UBE2QL1: variants seen among roughly 807,000 people sequenced by gnomAD.
The protein encoded by UBE2QL1 is ubiquitin conjugating enzyme E2 QL1, also known as ubiquitin-conjugating enzyme E2Q-like protein 1.
In UBE2QL1, 5 loss-of-function variants were observed where a neutral mutation model predicts 12.6. The observed-to-expected ratio is 0.40, with a 90% confidence interval of 0.21 to 0.83. The LOEUF (loss-of-function observed/expected upper bound fraction) is 0.83, where lower values mean the gene tolerates loss of function less well. Among genes scored for constraint, UBE2QL1 ranks in the 40% least tolerant of loss-of-function variants. The pLI is 0.37. For synonymous variants in UBE2QL1, 96 were observed against 94.5 expected (o/e 1.02, Z -0.10); for missense variants, 99 against 222.6 (o/e 0.44, Z 3.53).
intron 1 of UBE2QL1, among the ~76,000 whole-genome samples, chr5:6,484,272 T>TC (rs1211210909): frequency 1.3e-5 from 2 of 152,136 alleles, no homozygotes; most frequent in East Asian, 1.9e-4. Context: ...GTCTGCATAC[T>TC]CCAAGTCCTG....
intron 1 of UBE2QL1, among the ~76,000 whole-genome samples, chr5:6,473,546 G>T (rs1411356622): frequency 6.6e-6 from 1 of 152,228 alleles, no homozygotes; most frequent in Non-Finnish European, 1.5e-5. Context: ...AGAAATGTAA[G>T]GACCCACATG....
chr5:6,458,972 C>T (rs1739592210), intron 1 of UBE2QL1, among the ~76,000 whole-genome samples: 1 of 146,320 alleles, frequency 6.8e-6, no homozygotes, highest in African/African-American at 2.5e-5. Context: ...GGGTGGGAGC[C>T]TTCCTCCTCC....
In UBE2QL1 at chr5:6,493,390, G is replaced by A. The variant is rs190168639; in HGVS notation, c.*2041G>A. The A allele has an allele frequency of 7.2e-4, 109 of 152,266 alleles. No homozygotes were observed. The highest frequency in any genetic ancestry group is 2.5e-3 in the African/African-American group (104 of 41,542). The allele number at this position is 152,266 out of a possible 1,614,324, so 9.4% of individuals were successfully genotyped here. On this transcript the variant is annotated 3_prime_UTR_variant, in exon 2 of 2. Transcript: ENST00000399816. ...GAAAACTAAAAGCAGCTTTACTTTA[G>A]GGGGAAAAATATATCCAAAGGCAGG... is the stretch of plus-strand genomic sequence containing the variant.
intron 1 of UBE2QL1, among the ~76,000 whole-genome samples, chr5:6,474,094 T>A (rs1456823316): frequency 6.6e-6 from 1 of 152,250 alleles, no homozygotes; most frequent in Non-Finnish European, 1.5e-5. Flanking sequence ...AACATTTACC[T>A]TCTAAAAGAT....
intron 1 of UBE2QL1, among the ~76,000 whole-genome samples, chr5:6,468,698 T>C (rs1030053673): frequency 6.6e-6 from 1 of 152,224 alleles, no homozygotes; most frequent in Non-Finnish European, 1.5e-5. Context: ...AGCCTTCAAT[T>C]CTACTTCTTA....
In UBE2QL1 at chr5:6,463,617, T is replaced by TTATTAC. The variant is rs1343754100; in HGVS notation, c.354+14375_354+14376insCTATTA. ...TGTGCTGTTATTATTATTATTATTA[T>TTATTAC]TATTATTATTATTATTATTATTATT... On this transcript the variant is annotated intron_variant, in intron 1 of 1. Transcript: ENST00000399816. 5.5e-5 allele frequency among the ~76,000 whole-genome samples: 8 copies of TTATTAC among 146,738 alleles called. No homozygotes were observed. In the Admixed American group the frequency reaches 5.5e-4, roughly 10 times the overall value.
intron 1 of UBE2QL1, among the ~76,000 whole-genome samples, chr5:6,486,052 A>T (rs975888075): frequency 6.6e-6 from 1 of 152,186 alleles, no homozygotes; most frequent in Admixed American, 6.5e-5. Flanking sequence ...TAGCTGAAAA[A>T]ATAAGAAGCC....
intron 1 of UBE2QL1, among the ~76,000 whole-genome samples, chr5:6,470,779 A>G (rs1360048383): frequency 6.6e-6 from 1 of 152,186 alleles, no homozygotes; most frequent in East Asian, 1.9e-4. Flanking sequence ...TGTCCTGTGT[A>G]TCATGTTTGC....
intron 1 of UBE2QL1, 78 bp downstream of exon 1, chr5:6,449,325 G>A (rs1739364582): frequency 2.3e-5 from 29 of 1,264,118 alleles, no homozygotes; most frequent in Non-Finnish European, 2.8e-5. Flanking sequence ...GGGCCCCGTG[G>A]TGAGGGCCAG....
intron 1 of UBE2QL1, among the ~76,000 whole-genome samples, chr5:6,474,106 CT>C (rs1734162547): frequency 6.6e-6 from 1 of 152,148 alleles, no homozygotes; most frequent in African/African-American, 2.4e-5. Flanking sequence ...CTAAAAGATA[CT>C]TATTGGGAAG....
At chr5:6,485,096 A>G (rs1734438046) in intron 1 of UBE2QL1, among the ~76,000 whole-genome samples, 1 of 152,136 alleles carries the variant, frequency 6.6e-6, no homozygotes, top group Non-Finnish European at 1.5e-5. Flanking sequence ...AAACACACAA[A>G]TGAACACACG....
chr5:6,474,680 CAT>C (rs1220808637), intron 1 of UBE2QL1, among the ~76,000 whole-genome samples: 1 of 152,224 alleles, frequency 6.6e-6, no homozygotes, highest in Non-Finnish European at 1.5e-5. Context: ...CCTTCAGACT[CAT>C]AGTGATAACC....
chr5:6,483,589 C>A (rs1734407334), intron 1 of UBE2QL1, among the ~76,000 whole-genome samples: 2 of 152,236 alleles, frequency 1.3e-5, no homozygotes, highest in South Asian at 4.1e-4. Context: ...CTGCTCGCCT[C>A]TCCTGGACAC....
intron 1 of UBE2QL1, among the ~76,000 whole-genome samples, 153 bp downstream of exon 1, chr5:6,449,400 G>C (rs1739366033): frequency 6.6e-6 from 1 of 152,122 alleles, no homozygotes; most frequent in African/African-American, 2.4e-5. Flanking sequence ...GGGATGCTCC[G>C]AGCGCCTCCA....
At chr5:6,459,922 A>T (rs1232265161) in intron 1 of UBE2QL1, among the ~76,000 whole-genome samples, 1 of 152,124 alleles carries the variant, frequency 6.6e-6, no homozygotes, top group Non-Finnish European at 1.5e-5. Flanking sequence ...ATCCAAATAT[A>T]TATACCCGGA....
intron 1 of UBE2QL1, among the ~76,000 whole-genome samples, chr5:6,472,371 G>A (rs918497440): frequency 2.6e-5 from 4 of 152,066 alleles, no homozygotes; most frequent in Admixed American, 6.5e-5. Context: ...GGATTGTCTC[G>A]AGGTATTGCC....
Position 6,474,681 on chromosome 5 carries a change from A to T in UBE2QL1, c.355-16537A>T, listed in dbSNP as rs150470408. On this transcript the variant is annotated intron_variant, in intron 1 of 1. Coordinates refer to ENST00000399816, the MANE Select transcript of UBE2QL1 (RefSeq NM_001145161.3). The stretch of plus-strand genomic sequence containing the variant: ...GTGGCATGCGGGGGCCTTCAGACTC[A>T]TAGTGATAACCCCACAGGCTTCGTC... 4.6e-4 allele frequency among the ~76,000 whole-genome samples: 70 copies of T among 152,366 alleles called. No individual in the cohort carries two copies. In the East Asian group the frequency reaches 0.012, roughly 26 times the overall value.
At chr5:6,469,347 T>A (rs924962496) in intron 1 of UBE2QL1, among the ~76,000 whole-genome samples, 57 of 151,752 alleles carry the variant, frequency 3.8e-4, no homozygotes, top group Admixed American at 3.2e-3. Flanking sequence ...ACCAAAATAT[T>A]ATAAGGCTGG....
intron 1 of UBE2QL1, among the ~76,000 whole-genome samples, chr5:6,452,741 C>A (rs1338898553): frequency 2.0e-5 from 3 of 152,202 alleles, no homozygotes; most frequent in African/African-American, 7.2e-5. Flanking sequence ...AAAGTAGCAT[C>A]AGCATTGGGG....
Sources: allele counts gnomAD v4.1 joint callset (sites outside exome capture counted in the v4.1 genomes callset), GRCh38; gene constraint gnomAD v4.1.1; transcripts MANE v1.5; gene names NCBI Gene and HGNC (gene_info 2026-07-23, HGNC 2026-07-21).